AURKA: variants seen among roughly 807,000 people sequenced by gnomAD.
AURKA encodes the protein aurora kinase A.
In AURKA, 12 loss-of-function variants were observed where a neutral mutation model predicts 40.9. The observed-to-expected ratio is 0.29, with a 90% CI of 0.19 to 0.48. AURKA has a LOEUF of 0.48. Ranked by LOEUF, AURKA falls within the 20% of genes least tolerant of loss-of-function variation. The pLI is 0.99. For missense variants in AURKA, 322 were observed against 462.1 expected (o/e 0.70, Z 2.78); for synonymous variants, 170 against 164.3 (o/e 1.03, Z -0.26).
At chr20:56,377,473 C>A (rs1208877582) in intron 6 of AURKA, among the ~76,000 whole-genome samples, 1 of 151,832 alleles carries the variant, frequency 6.6e-6, no homozygotes, top group Non-Finnish European at 1.5e-5. Flanking sequence ...AGACGATACA[C>A]AGATGGCAAA....
Position 56,369,865 on chromosome 20 carries a change from C to A in AURKA, c.*293G>T. Reference sequence around the variant, plus strand: ...GCTCTGGATTTGCCTCCTGTGAAGACACCATGCCTAGCACAGGCTGACGGG... The same window carrying A: ...GCTCTGGATTTGCCTCCTGTGAAGAAACCATGCCTAGCACAGGCTGACGGG... On this transcript the variant is annotated 3_prime_UTR_variant, in exon 9 of 9. Coordinates refer to ENST00000395915, the MANE Select transcript of AURKA (RefSeq NM_198437.3). 2.0e-6 allele frequency: 1 copy of A among 504,148 alleles called. No individual in the cohort carries two copies. The highest frequency in any genetic ancestry group is 3.6e-6 in the Non-Finnish European group (1 of 276,904). The allele number at this position is 504,148 out of a possible 1,614,324, so 31.2% of individuals were successfully genotyped here. A position where few individuals can be genotyped will look rare whatever the true frequency, so the allele number is the denominator to read the frequency against.
At chr20:56,388,448 T>C in intron 1 of AURKA, 1 of 559,288 alleles carries the variant, frequency 1.8e-6, no homozygotes, top group African/African-American at 1.9e-5. Flanking sequence ...GTCTTGCTGC[T>C]CCATCATCTC....
chr20:56,371,191 A>C (rs149789039), intron 7 of AURKA, among the ~76,000 whole-genome samples: 2 of 151,884 alleles, frequency 1.3e-5, no homozygotes, highest in South Asian at 2.1e-4. Context: ...GGCTGGGTGC[A>C]GTGGCTCATG....
chr20:56,372,663 C>G lies in AURKA; in HGVS notation c.854+745G>C, dbSNP rs564282525. Reference sequence around the variant, plus strand: ...ATTTTAGGCTATACTTTTTTTTTAACTAGCTTGATTTTTAAGTCATTTGGC... The same window carrying G: ...ATTTTAGGCTATACTTTTTTTTTAAGTAGCTTGATTTTTAAGTCATTTGGC... On this transcript the variant is annotated intron_variant, in intron 7 of 8. Transcript: ENST00000395915. Among the ~76,000 whole-genome samples, 87 of 150,874 alleles carry G rather than the reference C, an allele frequency of 5.8e-4. No individual in the cohort carries two copies. In the South Asian group the frequency reaches 6.5e-3, roughly 11 times the overall value.
At chr20:56,374,360 G>A (rs990983800) in intron 6 of AURKA, among the ~76,000 whole-genome samples, 1 of 152,022 alleles carries the variant, frequency 6.6e-6, no homozygotes, top group Non-Finnish European at 1.5e-5. Flanking sequence ...AATGAACTTT[G>A]CAAGTATAGT....
chr20:56,379,279 A>C (rs1985375723), intron 6 of AURKA, among the ~76,000 whole-genome samples: 1 of 152,216 alleles, frequency 6.6e-6, no homozygotes, highest in Admixed American at 6.5e-5. Context: ...GTATATTGGA[A>C]TTGAATAAGT....
Position 56,381,416 on chromosome 20 carries a change from A to G in AURKA, c.705+17T>C, listed in dbSNP as rs750865692. 1.2e-6 allele frequency: 2 copies of G among 1,612,052 alleles called. No homozygotes were observed. Among genetic ancestry groups the G allele is most frequent in the Non-Finnish European group, 1.7e-6 (2 of 1,179,796 alleles). ...TAAAGGAAACACAATTAGCCTGGAC[A>G]ATAAATGAACACTTACAGTAGCAGT... On this transcript the variant is annotated intron_variant, in intron 6 of 8. Coordinates refer to ENST00000395915, the MANE Select transcript of AURKA (RefSeq NM_198437.3).
intron 3 of AURKA, among the ~76,000 whole-genome samples, chr20:56,384,666 G>A (rs1007779357): frequency 2.0e-5 from 3 of 152,050 alleles, no homozygotes; most frequent in Non-Finnish European, 2.9e-5. Context: ...CATGCATGAC[G>A]AGCTGCCAAC....
chr20:56,375,883 G>A (rs1261819331), intron 6 of AURKA, among the ~76,000 whole-genome samples: 2 of 152,188 alleles, frequency 1.3e-5, no homozygotes, highest in East Asian at 3.8e-4. Context: ...GATATGGATA[G>A]GTCACTGACA....
chr20:56,379,974 A>G (rs572268109), intron 6 of AURKA, among the ~76,000 whole-genome samples: 1 of 150,830 alleles, frequency 6.6e-6, no homozygotes, highest in African/African-American at 2.4e-5. Context: ...AAAAAAGAAA[A>G]AAAAAAAAAG....
chr20:56,372,249 A>C (rs1446409204), intron 7 of AURKA, among the ~76,000 whole-genome samples: 3 of 152,138 alleles, frequency 2.0e-5, no homozygotes. Flanking sequence ...TAGGATTAAG[A>C]AGCTACCACT....
chr20:56,382,046 C>G (rs1364534070), intron 5 of AURKA, among the ~76,000 whole-genome samples: 1 of 152,046 alleles, frequency 6.6e-6, no homozygotes, highest in Non-Finnish European at 1.5e-5. Context: ...TGCCTGCAAT[C>G]CTAGCTACTC....
In AURKA at chr20:56,376,129, G is replaced by A. The variant is rs533648475; in HGVS notation, c.706-2573C>T. Among the ~76,000 whole-genome samples, 232 of 152,184 alleles carry A rather than the reference G, an allele frequency of 1.5e-3. 1 individual carries two copies. The highest frequency in any genetic ancestry group is 2.6e-3 in the Non-Finnish European group (180 of 68,016). On this transcript the variant is annotated intron_variant, in intron 6 of 8. Transcript: ENST00000395915. ...GTATAAGGTGAATCTTTTAAAGTAG[G>A]ATATCAATATCAGAAACTGAAGAAA...
intron 7 of AURKA, among the ~76,000 whole-genome samples, chr20:56,371,686 T>C (rs538893003): frequency 3.7e-4 from 55 of 149,660 alleles, no homozygotes; most frequent in Non-Finnish European, 6.1e-4. Context: ...TCCAACCACA[T>C]AGACAGTCCA....
At chr20:56,375,048 CA>C (rs1161288962) in intron 6 of AURKA, among the ~76,000 whole-genome samples, 1 of 151,246 alleles carries the variant, frequency 6.6e-6, no homozygotes, top group Admixed American at 6.6e-5. Flanking sequence ...AATTCCGTCT[CA>C]AAAAAAAGCA....
chr20:56,370,728 TTA>T (rs1984044783), intron 7 of AURKA, 69 bp from the exon 8 acceptor site: 61 of 1,554,008 alleles, frequency 3.9e-5, no homozygotes, highest in Admixed American at 7.1e-5. Context: ...CTAACAATCA[TTA>T]AAGAGTCCAC....
chr20:56,384,720 A>G (rs185674664), intron 3 of AURKA, among the ~76,000 whole-genome samples: 1 of 152,298 alleles, frequency 6.6e-6, no homozygotes, highest in Non-Finnish European at 1.5e-5. Context: ...CCAACAGTCC[A>G]TACCCTACAT....
chr20:56,387,647 G>A (rs989599967), intron 2 of AURKA, among the ~76,000 whole-genome samples: 4 of 152,294 alleles, frequency 2.6e-5, no homozygotes, highest in Admixed American at 6.5e-5. Context: ...TCAACGGTAT[G>A]AGTGCTCTAC....
At chr20:56,379,757 T>C (rs1401616328) in intron 6 of AURKA, among the ~76,000 whole-genome samples, 2 of 149,984 alleles carry the variant, frequency 1.3e-5, no homozygotes, top group Non-Finnish European at 3.0e-5. Context: ...AGGTCAGGGG[T>C]TAGAGACCAG....
Sources: gnomAD v4.1 joint callset for allele counts (sites outside exome capture counted in the v4.1 genomes callset) on GRCh38, gnomAD v4.1.1 for gene constraint, MANE v1.5 for transcripts, NCBI Gene and HGNC (gene_info 2026-07-23, HGNC 2026-07-21) for gene names.